Variants in SAG observed in about 807,000 individuals in gnomAD.
SAG encodes the protein S-antigen visual arrestin, also known as S-arrestin.
A neutral mutation model predicts 55.0 loss-of-function variants in SAG; 45 were observed. The observed-to-expected ratio is 0.82, with a 90% CI of 0.64 to 1.05. The LOEUF is 1.05. Ranked by LOEUF, SAG falls within the 50% of genes least tolerant of loss-of-function variation. The pLI is 0.00. For missense variants in SAG, 455 were observed against 512.1 expected (o/e 0.89, Z 1.08); for synonymous variants, 189 against 197.4 (o/e 0.96, Z 0.36).
In SAG at chr2:233,328,445, A is replaced by C. The variant is rs763472837; in HGVS notation, c.513-33A>C. On this transcript the variant is annotated intron_variant, in intron 7 of 15. Coordinates refer to ENST00000409110, the MANE Select transcript of SAG (RefSeq NM_000541.5). Reference sequence around the variant, plus strand: ...GCCTCCCTAAAGCGGCCTGGGTGCCAATCCCTGGCTTGTCTGTGGCTGTTT... The same window carrying C: ...GCCTCCCTAAAGCGGCCTGGGTGCCCATCCCTGGCTTGTCTGTGGCTGTTT... The C allele has an allele frequency of 1.4e-5, 22 of 1,603,680 alleles. No homozygotes were observed. In the South Asian group the frequency reaches 2.1e-4, roughly 15 times the overall value.
chr2:233,343,239 C>G (rs1701159590), intron 14 of SAG: 1 of 153,688 alleles, frequency 6.5e-6, no homozygotes, highest in South Asian at 1.9e-4. Flanking sequence ...CCTGCCACCC[C>G]ACCTGGCTAA....
At chr2:233,318,696 G>A (rs1219275013) in intron 3 of SAG, 55 bp from the exon 4 acceptor site, 2 of 1,446,924 alleles carry the variant, frequency 1.4e-6, no homozygotes, top group Non-Finnish European at 1.9e-6. Flanking sequence ...TAAAGTAGGT[G>A]TCTGGTTTCT....
In SAG at chr2:233,320,821, AC is replaced by A. The variant is rs1233357936; in HGVS notation, c.374del (p.Thr125SerfsTer10). 6.3e-7 allele frequency: 1 copy of A among 1,583,048 alleles called. No individual in the cohort carries two copies. Among genetic ancestry groups the A allele is most frequent in the South Asian group, 1.2e-5 (1 of 86,336 alleles). ...LGSNTYPFLL[T>X]FPDYLPCSVM... ...GAGCAACACGTACCCCTTTCTCCTGACGGTGGGTGACTCCTCCGGCCAGCCC... is the reference window on the plus strand; with the variant it reads ...GAGCAACACGTACCCCTTTCTCCTGAGGTGGGTGACTCCTCCGGCCAGCCC... On this transcript the variant is annotated frameshift_variant and splice_region_variant, in exon 5 of 16. Coordinates refer to ENST00000409110, the MANE Select transcript of SAG (RefSeq NM_000541.5). LOFTEE classifies it high-confidence loss of function.
Position 233,319,607 on chromosome 2 carries a change from T to G in SAG, c.181+812T>G. 3.0e-6 allele frequency: 3 copies of G among 986,472 alleles called. No individual in the cohort carries two copies. Among genetic ancestry groups the G allele is most frequent in the Non-Finnish European group, 3.6e-6 (3 of 830,762 alleles). 61.1% of individuals were successfully genotyped at this position (986,472 alleles called of 1,614,324 possible). A position where few individuals can be genotyped will look rare whatever the true frequency, so the allele number is the denominator to read the frequency against. ...CAGCATTGAGGGGGCATGGCTGAAA[T>G]GGGGCCCCAAACGGCCCCCTCTGTC... On this transcript the variant is annotated intron_variant, in intron 4 of 15. Coordinates refer to ENST00000409110, the MANE Select transcript of SAG (RefSeq NM_000541.5). This position sits in a 1 kb window ranked among gnomAD's most constrained non-coding sequence, Gnocchi z 4.4.
At position 233,338,832 on chromosome 2, in the gene SAG, G is replaced by A. The variant is rs775372497; in HGVS notation, c.1022+79G>A. 7 of 1,208,158 alleles carry A rather than the reference G, an allele frequency of 5.8e-6. No individual in the cohort carries two copies. The Admixed American group carries it at 6.8e-5, about 12-fold the overall frequency. The allele number at this position is 1,208,158 out of a possible 1,614,324, so 74.8% of individuals were successfully genotyped here. ...TGAACTTTTCCTTTCCTGAATGACT[G>A]GGAGACAGAAAGCAAGGAAAGGCCC... On this transcript the variant is annotated intron_variant, in intron 12 of 15. Transcript: ENST00000409110.
At chr2:233,313,797 G>C (rs1172753066) in intron 2 of SAG, among the ~76,000 whole-genome samples, 1 of 144,934 alleles carries the variant, frequency 6.9e-6, no homozygotes. Context: ...TTGAACTCCT[G>C]ACTTCAGGTG....
chr2:233,329,724 C>A, intron 9 of SAG, 147 bp downstream of exon 9: 1 of 621,208 alleles, frequency 1.6e-6, no homozygotes, highest in Non-Finnish European at 2.9e-6. Context: ...AGCAGGACTG[C>A]GGAGGGAGAA....
rs1700301216 is a variant in SAG at position 233,319,061 on chromosome 2, G to T, written c.181+266G>T. 4 of 655,080 alleles carry T rather than the reference G, an allele frequency of 6.1e-6. No homozygotes were observed. The highest frequency in any genetic ancestry group is 8.7e-6 in the Non-Finnish European group (3 of 343,688). 40.6% of individuals were successfully genotyped at this position (655,080 alleles called of 1,614,324 possible). On this transcript the variant is annotated intron_variant, in intron 4 of 15. Transcript: ENST00000409110. The surrounding 1 kb of genome is among the most constrained non-coding windows in gnomAD (Gnocchi z 4.4). Reference sequence around the variant, plus strand: ...TAGATGGTAGACGGAGCCCAGGTCTGTGGCCCCCATTCCTGTTTGCTCGCC... The same window carrying T: ...TAGATGGTAGACGGAGCCCAGGTCTTTGGCCCCCATTCCTGTTTGCTCGCC...
At chr2:233,338,889 T>C in intron 12 of SAG, 136 bp downstream of exon 12, 1 of 763,562 alleles carries the variant, frequency 1.3e-6, no homozygotes, top group Non-Finnish European at 2.3e-6. Context: ...CAAGTAGAGC[T>C]TGGGAGAGAT....
intron 14 of SAG, chr2:233,345,598 G>C (rs988089945): frequency 1.2e-4 from 18 of 152,246 alleles, no homozygotes; most frequent in African/African-American, 4.1e-4. Flanking sequence ...GTGGGTGCCT[G>C]TAATCCCAGC....
chr2:233,340,428 C>T lies in SAG; in HGVS notation c.1023-27C>T, dbSNP rs752592021. On this transcript the variant is annotated intron_variant, in intron 12 of 15. Coordinates refer to ENST00000409110, the MANE Select transcript of SAG (RefSeq NM_000541.5). This position sits in a 1 kb window ranked among gnomAD's most constrained non-coding sequence, Gnocchi z 4.2. ...GTCGTGTTACCACTGTGACAGTTAA[C>T]GACAGGCGTTTGTTTGTGTTTTCTA... The T allele has an allele frequency of 8.7e-6, 14 of 1,606,566 alleles. No homozygotes were observed. In the African/African-American group the frequency reaches 9.4e-5, roughly 11 times the overall value.
chr2:233,313,153 G>A (rs576556158), intron 2 of SAG, among the ~76,000 whole-genome samples: 2 of 152,218 alleles, frequency 1.3e-5, no homozygotes, highest in Non-Finnish European at 2.9e-5. Context: ...TGCTCCCGGG[G>A]CACCAAAAGC....
At chr2:233,316,978 C>T (rs933300831) in intron 3 of SAG, among the ~76,000 whole-genome samples, 2 of 152,192 alleles carry the variant, frequency 1.3e-5, no homozygotes, top group African/African-American at 4.8e-5. Flanking sequence ...CCTCCGACCT[C>T]AGCCTCCCAA....
At chr2:233,313,018 G>A (rs764777845) in intron 2 of SAG, among the ~76,000 whole-genome samples, 14 of 152,202 alleles carry the variant, frequency 9.2e-5, no homozygotes, top group Non-Finnish European at 1.5e-4. Flanking sequence ...CTCTGTAACC[G>A]TGTGTGGGAT....
Position 233,339,475 on chromosome 2 carries a change from A to C in SAG, c.1022+722A>C, listed in dbSNP as rs528191284. Among the ~76,000 whole-genome samples the C allele has an allele frequency of 2.4e-4, 36 of 151,456 alleles. 1 individual carries two copies. Among genetic ancestry groups the C allele is most frequent in the African/African-American group, 8.7e-4 (36 of 41,152 alleles). ...TTGAGGAAAATAAGCGTTTAAAAAGAGTTTCCCAAATTTCTAACAAAGTAG... is the reference window on the plus strand; with the variant it reads ...TTGAGGAAAATAAGCGTTTAAAAAGCGTTTCCCAAATTTCTAACAAAGTAG... On this transcript the variant is annotated intron_variant, in intron 12 of 15. Transcript: ENST00000409110.
At position 233,320,618 on chromosome 2, in the gene SAG, T is replaced by G; in HGVS notation, c.182-12T>G. 6.4e-7 allele frequency: 1 copy of G among 1,562,264 alleles called. No individual in the cohort carries two copies. The highest frequency in any genetic ancestry group is 8.6e-7 in the Non-Finnish European group (1 of 1,157,862). On this transcript the variant is annotated splice_polypyrimidine_tract_variant and intron_variant, in intron 4 of 15. Transcript: ENST00000409110. ...AGGGCCAAGTCCGACCCTGCCTTCA[T>G]CTCCCTTGCAGTGTATGTCACTCTG...
chr2:233,335,190 A>G (rs939136293), intron 11 of SAG, 91 bp downstream of exon 11: 8 of 1,472,498 alleles, frequency 5.4e-6, no homozygotes, highest in Non-Finnish European at 7.3e-6. Context: ...GCTCGCAGGC[A>G]CGCACGTGCA....
chr2:233,335,706 C>T (rs541623980), intron 11 of SAG, among the ~76,000 whole-genome samples: 18 of 152,336 alleles, frequency 1.2e-4, no homozygotes, highest in South Asian at 2.1e-4. Context: ...ACTCAAAGGA[C>T]GACTGGCTGA....
intron 6 of SAG, among the ~76,000 whole-genome samples, chr2:233,325,039 A>G (rs760095773): frequency 1.2e-4 from 19 of 152,162 alleles, no homozygotes; most frequent in Non-Finnish European, 2.1e-4. Flanking sequence ...CAGCCTGGCC[A>G]ACATGGCAAA....
Sources: gnomAD v4.1 joint callset for allele counts (sites outside exome capture counted in the v4.1 genomes callset) on GRCh38, gnomAD v4.1.1 for gene constraint, Gnocchi (gnomAD v3.1) non-coding constraint, MANE v1.5 for transcripts, NCBI Gene and HGNC (gene_info 2026-07-23, HGNC 2026-07-21) for gene names.